The following EYA2 variants were observed in gnomAD, a reference collection of about 807,000 sequenced individuals.
EYA2 encodes the protein protein phosphatase EYA2.
Under a neutral mutation model 69.2 loss-of-function variants are expected in EYA2, and 31 were observed. The ratio of observed to expected loss-of-function variants is 0.45; its 90% CI spans 0.34 to 0.60. EYA2 has a LOEUF of 0.60. Among genes scored for constraint, EYA2 ranks in the 20% least tolerant of loss-of-function variants. The pLI is 0.02. For missense variants in EYA2, 622 were observed against 701.2 expected (o/e 0.89, Z 1.28); for synonymous variants, 257 against 279.4 (o/e 0.92, Z 0.80).
intron 5 of EYA2, among the ~76,000 whole-genome samples, chr20:47,064,508 C>T (rs2031033219): frequency 6.6e-6 from 1 of 152,174 alleles, no homozygotes; most frequent in Non-Finnish European, 1.5e-5. Flanking sequence ...CCCAGAAGTA[C>T]AATTGCTGAG....
At chr20:47,128,192 G>A (rs891002736) in intron 9 of EYA2, among the ~76,000 whole-genome samples, 4 of 152,258 alleles carry the variant, frequency 2.6e-5, no homozygotes, top group South Asian at 2.1e-4. Context: ...AGCCATTCCC[G>A]GCCTTTGGCA....
chr20:47,032,036 T>C (rs1984446802), intron 5 of EYA2, among the ~76,000 whole-genome samples: 1 of 152,016 alleles, frequency 6.6e-6, no homozygotes, highest in Non-Finnish European at 1.5e-5. Flanking sequence ...GTAGGGGAAA[T>C]ACAGCCTCAG....
chr20:47,170,954 G>A (rs777567998), intron 11 of EYA2, among the ~76,000 whole-genome samples: 3 of 152,182 alleles, frequency 2.0e-5, no homozygotes, highest in South Asian at 2.1e-4. Flanking sequence ...CGGCACAATC[G>A]GAAGTGATCA....
intron 9 of EYA2, among the ~76,000 whole-genome samples, chr20:47,124,810 A>G (rs1298368563): frequency 2.6e-5 from 4 of 152,054 alleles, no homozygotes; most frequent in African/African-American, 9.7e-5. Flanking sequence ...CTTTAAATTT[A>G]TATCCTAGAA....
chr20:46,980,447 A>T (rs1600603875), intron 1 of EYA2, among the ~76,000 whole-genome samples: 1 of 151,980 alleles, frequency 6.6e-6, no homozygotes, highest in African/African-American at 2.4e-5. Flanking sequence ...CTGTGCTGAA[A>T]TTTTTTTTAC....
chr20:46,909,352 G>T (rs1012683635), intron 1 of EYA2, among the ~76,000 whole-genome samples: 8 of 152,092 alleles, frequency 5.3e-5, no homozygotes, highest in Non-Finnish European at 1.0e-4. Flanking sequence ...TTCAATGGGG[G>T]TGCAGGTGGG....
chr20:47,112,862 C>CT (rs11473217), intron 9 of EYA2, among the ~76,000 whole-genome samples: 1,538 of 55,726 alleles, frequency 0.028, 295 homozygotes, highest in African/African-American at 0.045. Flanking sequence ...ATGTTCACTC[C>CT]TTTTTTTTTT....
chr20:46,982,232 AT>A (rs1197529959), intron 1 of EYA2, among the ~76,000 whole-genome samples: 2 of 152,062 alleles, frequency 1.3e-5, no homozygotes, highest in Non-Finnish European at 2.9e-5. Context: ...ATTTTGAAGT[AT>A]TTTTTTGCTG....
At chr20:47,080,650 C>T (rs1028455323) in intron 7 of EYA2, among the ~76,000 whole-genome samples, 1 of 152,030 alleles carries the variant, frequency 6.6e-6, no homozygotes, top group African/African-American at 2.4e-5. Context: ...AAAGACACAC[C>T]TGAAACTGAG....
intron 4 of EYA2, among the ~76,000 whole-genome samples, chr20:47,015,742 G>A (rs903334108): frequency 1.2e-4 from 18 of 152,144 alleles, no homozygotes; most frequent in African/African-American, 3.9e-4. Flanking sequence ...GTCCTAGGAT[G>A]TACCAAAACA....
chr20:46,953,746 A>G (rs1978948210), intron 1 of EYA2, among the ~76,000 whole-genome samples: 1 of 152,190 alleles, frequency 6.6e-6, no homozygotes, highest in African/African-American at 2.4e-5. Flanking sequence ...CAGAACCACC[A>G]GCACAGATGC....
At chr20:47,012,892 A>G (rs1464620200) in intron 4 of EYA2, among the ~76,000 whole-genome samples, 1 of 152,188 alleles carries the variant, frequency 6.6e-6, no homozygotes, top group East Asian at 1.9e-4. Context: ...CAGGATGTTT[A>G]CTTCTCAGTG....
At chr20:47,042,466 G>T (rs549832675) in intron 5 of EYA2, among the ~76,000 whole-genome samples, 292 of 152,280 alleles carry the variant, frequency 1.9e-3, no homozygotes, top group African/African-American at 5.5e-3. Context: ...TGGACTTAAG[G>T]CTTAAGTCTG....
chr20:46,937,943 C>T (rs1016135144), intron 1 of EYA2, among the ~76,000 whole-genome samples: 1 of 152,084 alleles, frequency 6.6e-6, no homozygotes, highest in Admixed American at 6.5e-5. Context: ...GGAGCCAGGC[C>T]CTGATTTAAG....
chr20:46,984,291 G>C (rs994582630), intron 1 of EYA2, among the ~76,000 whole-genome samples: 80 of 151,340 alleles, frequency 5.3e-4, no homozygotes, highest in African/African-American at 1.9e-3. Flanking sequence ...AAAGAAAACA[G>C]ACAAATGAAA....
intron 1 of EYA2, among the ~76,000 whole-genome samples, chr20:46,917,708 ATAT>A (rs1382056583): frequency 1.3e-5 from 2 of 152,222 alleles, no homozygotes; most frequent in Non-Finnish European, 2.9e-5. Flanking sequence ...TAAGTGTGCA[ATAT>A]TATTATGTCT....
chr20:47,134,650 A>G (rs560119901), intron 9 of EYA2, among the ~76,000 whole-genome samples: 52 of 152,174 alleles, frequency 3.4e-4, no homozygotes, highest in Non-Finnish European at 6.2e-4. Flanking sequence ...ATAGATTCTG[A>G]TAGTTCGTTG....
chr20:47,156,129 T>C (rs8184532), intron 10 of EYA2, among the ~76,000 whole-genome samples: 1,836 of 6,588 alleles, frequency 0.28, 22 homozygotes, highest in East Asian at 0.39. Context: ...CACACACACA[T>C]ATATATATAT....
At position 46,960,841 on chromosome 20, in the gene EYA2, C is replaced by T. The variant is rs180969562; in HGVS notation, c.-10-29160C>T. 2.6e-4 allele frequency among the ~76,000 whole-genome samples: 40 copies of T among 152,274 alleles called. 1 individual carries two copies. Among genetic ancestry groups the T allele is most frequent in the Middle Eastern group, 3.4e-3 (1 of 294 alleles). On this transcript the variant is annotated intron_variant, in intron 1 of 15. Transcript: ENST00000327619. ...AGGACCTTCCCTAACTACCATCCTGCCATCCAAGCTGTGGGGCCCCTTCCC... is the reference window on the plus strand; with the variant it reads ...AGGACCTTCCCTAACTACCATCCTGTCATCCAAGCTGTGGGGCCCCTTCCC...
Sources: gnomAD v4.1 joint callset for allele counts (sites outside exome capture counted in the v4.1 genomes callset) on GRCh38, gnomAD v4.1.1 for gene constraint, MANE v1.5 for transcripts, NCBI Gene and HGNC (gene_info 2026-07-23, HGNC 2026-07-21) for gene names.